The following TRABD2A variants were observed in gnomAD, a reference collection of about 807,000 sequenced individuals.
TRABD2A encodes the protein metalloprotease TIKI1.
Under a neutral mutation model 45.6 loss-of-function variants are expected in TRABD2A, and 43 were observed. That is an observed-to-expected ratio of 0.94 (90% CI 0.74 to 1.22). The LOEUF (loss-of-function observed/expected upper bound fraction) is 1.22. Ranked by LOEUF, TRABD2A falls within the 50% of genes most tolerant of loss-of-function variation. The probability of loss-of-function intolerance (pLI) is 0.00; values close to 1 mark genes in which losing one functional copy is unlikely to be tolerated. For synonymous variants in TRABD2A, 269 were observed against 265.0 expected (o/e 1.02, Z -0.15); for missense variants, 642 against 652.4 (o/e 0.98, Z 0.17).
chr2:84,878,076 G>A (rs530643654), intron 1 of TRABD2A, among the ~76,000 whole-genome samples: 6 of 152,168 alleles, frequency 3.9e-5, no homozygotes, highest in Non-Finnish European at 7.3e-5. Flanking sequence ...AGCAGGGAAG[G>A]CAGATGGTAG....
At chr2:84,852,624 A>G (rs954277082) in intron 2 of TRABD2A, among the ~76,000 whole-genome samples, 2 of 152,068 alleles carry the variant, frequency 1.3e-5, no homozygotes, top group Non-Finnish European at 2.9e-5. Context: ...TTGTACCTGG[A>G]GGTGCTTCCA....
chr2:84,825,498 A>G (rs1399517168), intron 5 of TRABD2A, among the ~76,000 whole-genome samples: 1 of 152,228 alleles, frequency 6.6e-6, no homozygotes, highest in African/African-American at 2.4e-5. Context: ...ATTCATAGCT[A>G]GAAGGTTCCT....
chr2:84,856,711 C>T (rs759588506), intron 2 of TRABD2A, among the ~76,000 whole-genome samples: 3 of 152,118 alleles, frequency 2.0e-5, no homozygotes, highest in Admixed American at 6.5e-5. Context: ...TGGACACCCC[C>T]GAAGTCTTCT....
chr2:84,853,190 C>T (rs1008450626), intron 2 of TRABD2A, among the ~76,000 whole-genome samples: 2 of 149,914 alleles, frequency 1.3e-5, no homozygotes, highest in African/African-American at 4.9e-5. Flanking sequence ...GAAGACCATG[C>T]AGAAACACCC....
At chr2:84,875,913 AGCCTGGGAGGATGAG>A (rs541438559) in intron 1 of TRABD2A, among the ~76,000 whole-genome samples, 5 of 151,788 alleles carry the variant, frequency 3.3e-5, no homozygotes, top group Admixed American at 1.3e-4. Flanking sequence ...AGATGGTTTG[AGCCTGGGAGGATGAG>A]GCTGCAGTGA....
intron 6 of TRABD2A, among the ~76,000 whole-genome samples, chr2:84,823,040 C>CTTAA (rs1681043288): frequency 6.6e-6 from 1 of 152,176 alleles, no homozygotes; most frequent in African/African-American, 2.4e-5. Context: ...CTCATTCATT[C>CTTAA]TACATTTATT....
chr2:84,840,836 C>G (rs144307022), intron 3 of TRABD2A, among the ~76,000 whole-genome samples: 42 of 152,036 alleles, frequency 2.8e-4, no homozygotes, highest in African/African-American at 8.4e-4. Flanking sequence ...TTTTTTTCCT[C>G]TAGATTTTTG....
intron 2 of TRABD2A, among the ~76,000 whole-genome samples, chr2:84,855,750 G>C (rs1042038971): frequency 2.6e-5 from 4 of 151,950 alleles, no homozygotes; most frequent in Non-Finnish European, 5.9e-5. Flanking sequence ...ATTTGCAGCA[G>C]ACCTTTTTCT....
At chr2:84,847,073 C>G (rs1237428950) in intron 2 of TRABD2A, among the ~76,000 whole-genome samples, 5 of 152,188 alleles carry the variant, frequency 3.3e-5, no homozygotes, top group South Asian at 4.1e-4. Context: ...TTTGGTCAGG[C>G]CATGGGTAGC....
intron 2 of TRABD2A, among the ~76,000 whole-genome samples, chr2:84,858,269 A>G (rs780686174): frequency 3.5e-4 from 51 of 145,540 alleles, no homozygotes; most frequent in Non-Finnish European, 7.3e-4. Flanking sequence ...GCTCCCTCCA[A>G]CATCGTCTCC....
intron 1 of TRABD2A, among the ~76,000 whole-genome samples, chr2:84,879,135 T>G (rs1573961569): frequency 6.6e-6 from 1 of 152,246 alleles, no homozygotes; most frequent in East Asian, 1.9e-4. Context: ...GTTTTACTAC[T>G]ATCTCCATTA....
chr2:84,823,912 G>A (rs748652184), intron 6 of TRABD2A, 41 bp downstream of exon 6: 1 of 1,609,732 alleles, frequency 6.2e-7, no homozygotes, highest in Non-Finnish European at 8.5e-7. Context: ...GCTCACTAGG[G>A]TAAAGGTGGA....
intron 2 of TRABD2A, among the ~76,000 whole-genome samples, chr2:84,861,733 T>G (rs890646506): frequency 6.6e-6 from 1 of 152,164 alleles, no homozygotes; most frequent in Admixed American, 6.5e-5. Flanking sequence ...TCCCCGAAAG[T>G]CAGGCAGCAG....
At position 84,863,268 on chromosome 2, in the gene TRABD2A, G is replaced by A. The variant is rs1268220468; in HGVS notation, c.669+6957C>T. On this transcript the variant is annotated intron_variant, in intron 2 of 6. Transcript: ENST00000409520. ...TTTTTTTTTTTTTTTTTTTTGAGAC[G>A]GAGTCTCGCTCTGTCGCCCAGGCTG... Among the ~76,000 whole-genome samples, 8 of 92,714 alleles carry A rather than the reference G, an allele frequency of 8.6e-5. No individual in the cohort carries two copies. The South Asian group carries it at 2.2e-3, about 25-fold the overall frequency. 60.8% of individuals were successfully genotyped at this position (92,714 alleles called of 152,430 possible).
intron 1 of TRABD2A, among the ~76,000 whole-genome samples, chr2:84,878,290 G>T (rs777395911): frequency 3.9e-5 from 6 of 152,178 alleles, no homozygotes; most frequent in African/African-American, 4.8e-5. Context: ...ACTTTGGGAG[G>T]CTGAGGCGGG....
intron 4 of TRABD2A, chr2:84,835,093 G>A (rs997458540): frequency 6.6e-6 from 1 of 152,092 alleles, no homozygotes; most frequent in African/African-American, 2.4e-5. Flanking sequence ...AGTATGAAAT[G>A]GTATCTTCAC....
rs1490548594 is a variant in TRABD2A, at chr2:84,870,741, T to C, written c.153A>G (p.Pro51=). ...NSFLWTIKRD[P]PSYFFGTIHV... is the part of the protein sequence containing the mutation. ...GGATTGTGCCAAAGAAGTAAGATGG[T>C]GGGTCTCGCTTAATGGTCCACAAGA... Residue 51 remains proline (P), a synonymous_variant, in exon 2 of 7, where the codon CCA becomes CCG. Coordinates refer to ENST00000409520, the MANE Select transcript of TRABD2A (RefSeq NM_001277053.2). 11 of 1,597,920 alleles carry C rather than the reference T, an allele frequency of 6.9e-6. No individual in the cohort carries two copies. The highest frequency in any genetic ancestry group is 9.4e-6 in the Non-Finnish European group (11 of 1,172,216).
intron 2 of TRABD2A, among the ~76,000 whole-genome samples, chr2:84,860,685 C>T (rs1025293670): frequency 2.0e-5 from 3 of 152,242 alleles, no homozygotes; most frequent in African/African-American, 7.2e-5. Context: ...CAGTCTTGTG[C>T]TGTTAGAATC....
chr2:84,828,873 A>G (rs1050666376), intron 5 of TRABD2A, among the ~76,000 whole-genome samples: 10 of 152,170 alleles, frequency 6.6e-5, no homozygotes, highest in African/African-American at 2.4e-4. Flanking sequence ...GGCTGGAGCA[A>G]TGGAGGAAGA....
Sources: gnomAD v4.1 joint callset for allele counts (sites outside exome capture counted in the v4.1 genomes callset) on GRCh38, gnomAD v4.1.1 for gene constraint, MANE v1.5 for transcripts, NCBI Gene and HGNC (gene_info 2026-07-23, HGNC 2026-07-21) for gene names.